The following TMC1 variants were observed in gnomAD, a reference collection of about 807,000 sequenced individuals.
TMC1 encodes the protein transmembrane channel-like protein 1.
TMC1 carries 84 observed loss-of-function variants against 105.8 expected under a neutral mutation model. That is an observed-to-expected ratio of 0.79 (90% CI 0.67 to 0.95). The LOEUF is 0.95. TMC1 is among the 40% of genes least tolerant of loss of function. TMC1 has a pLI of 0.00. For synonymous variants in TMC1, 315 were observed against 311.5 expected, an observed-to-expected ratio of 1.01 and a Z score of -0.12; for missense variants, 817 against 914.1, an observed-to-expected ratio of 0.89 and a Z score of 1.37.
At chr9:72,712,181 A>G (rs1158436368) in intron 8 of TMC1, among the ~76,000 whole-genome samples, 2 of 152,128 alleles carry the variant, frequency 1.3e-5, no homozygotes, top group Non-Finnish European at 2.9e-5. Flanking sequence ...GCCTTGTAGT[A>G]TAAGTTTGAA....
intron 8 of TMC1, among the ~76,000 whole-genome samples, chr9:72,731,737 T>C (rs1029796639): frequency 6.6e-6 from 1 of 152,182 alleles, no homozygotes; most frequent in African/African-American, 2.4e-5. Flanking sequence ...GTCCTCTTCA[T>C]TGTCTATCTG....
chr9:72,693,959 T>C (rs912656752), intron 6 of TMC1, among the ~76,000 whole-genome samples: 3 of 152,026 alleles, frequency 2.0e-5, no homozygotes, highest in Non-Finnish European at 4.4e-5. Flanking sequence ...TATACTACTT[T>C]TTTTTTTAAA....
intron 6 of TMC1, among the ~76,000 whole-genome samples, chr9:72,693,356 A>G (rs1245371084): frequency 6.6e-6 from 1 of 152,210 alleles, no homozygotes; most frequent in Admixed American, 6.5e-5. Context: ...ACGTCCAAAG[A>G]ATAGATACAT....
intron 1 of TMC1, among the ~76,000 whole-genome samples, chr9:72,563,774 C>G (rs1824098284): frequency 6.6e-6 from 1 of 151,800 alleles, no homozygotes; most frequent in African/African-American, 2.4e-5. Context: ...GTGGCGGGTG[C>G]CTGTAATCCC....
intron 18 of TMC1, among the ~76,000 whole-genome samples, chr9:72,812,355 G>A (rs1296436255): frequency 6.6e-6 from 1 of 152,190 alleles, no homozygotes; most frequent in African/African-American, 2.4e-5. Context: ...CCCATAAGGG[G>A]TTGAGAACAT....
intron 1 of TMC1, among the ~76,000 whole-genome samples, chr9:72,554,058 G>A (rs150305095): frequency 1.1e-3 from 175 of 152,232 alleles, no homozygotes; most frequent in Non-Finnish European, 1.9e-3. Flanking sequence ...CTTCATGATT[G>A]ATAGCATACA....
At chr9:72,757,511 C>A (rs1827692275) in intron 12 of TMC1, among the ~76,000 whole-genome samples, 1 of 152,128 alleles carries the variant, frequency 6.6e-6, no homozygotes, top group African/African-American at 2.4e-5. Context: ...CAAATTTTTT[C>A]AGATTTTGGC....
intron 13 of TMC1, among the ~76,000 whole-genome samples, 160 bp downstream of exon 13, chr9:72,772,715 A>G (rs751679945): frequency 5.9e-5 from 9 of 152,204 alleles, no homozygotes; most frequent in Non-Finnish European, 1.2e-4. Context: ...CTAATGTTAG[A>G]CTATTACATC....
At chr9:72,774,265 G>A (rs1275855190) in intron 13 of TMC1, among the ~76,000 whole-genome samples, 1 of 152,018 alleles carries the variant, frequency 6.6e-6, no homozygotes, top group Non-Finnish European at 1.5e-5. Context: ...ACATATATAA[G>A]TTTAAAACTT....
chr9:72,792,982 T>A (rs1473603368), intron 17 of TMC1, among the ~76,000 whole-genome samples: 2 of 152,076 alleles, frequency 1.3e-5, no homozygotes, highest in Non-Finnish European at 2.9e-5. Context: ...CCCAGGGAAG[T>A]GGTGAGTGAA....
chr9:72,574,503 A>G (rs1460023886), intron 1 of TMC1, among the ~76,000 whole-genome samples: 3 of 152,158 alleles, frequency 2.0e-5, no homozygotes, highest in Admixed American at 1.3e-4. Flanking sequence ...TTCAGTTTCA[A>G]TAAATGCTTC....
intron 2 of TMC1, among the ~76,000 whole-genome samples, chr9:72,585,789 T>C (rs1413146897): frequency 6.6e-6 from 1 of 152,094 alleles, no homozygotes; most frequent in African/African-American, 2.4e-5. Flanking sequence ...CATTCAGCCA[T>C]CAAGAATCAT....
chr9:72,707,001 C>T (rs1257518008), intron 8 of TMC1, among the ~76,000 whole-genome samples: 1 of 152,164 alleles, frequency 6.6e-6, no homozygotes, highest in South Asian at 2.1e-4. Context: ...TCTTGAACTC[C>T]TGACTTCGGG....
chr9:72,755,534 GATT>G (rs1405793162), intron 12 of TMC1, among the ~76,000 whole-genome samples: 12 of 152,154 alleles, frequency 7.9e-5, no homozygotes, highest in African/African-American at 2.9e-4. Flanking sequence ...CTTAGGTAGA[GATT>G]ATTACTATGG....
chr9:72,685,113 T>TTTTC, intron 5 of TMC1, among the ~76,000 whole-genome samples: 1 of 143,396 alleles, frequency 7.0e-6, no homozygotes, highest in African/African-American at 2.6e-5. Context: ...TTTTTTTTTT[T>TTTTC]TTTTTTTTTT....
intron 3 of TMC1, among the ~76,000 whole-genome samples, chr9:72,627,198 A>C (rs1013219435): frequency 5.9e-5 from 9 of 152,148 alleles, no homozygotes; most frequent in African/African-American, 1.9e-4. Context: ...AAAAGTTATA[A>C]ACTCTTAATG....
At chr9:72,634,842 A>G (rs1477718233) in intron 4 of TMC1, among the ~76,000 whole-genome samples, 1 of 152,246 alleles carries the variant, frequency 6.6e-6, no homozygotes, top group East Asian at 1.9e-4. Context: ...ACTCAGGAAG[A>G]GCCAGATGGA....
chr9:72,542,861 G>T (rs1359419238), intron 1 of TMC1, among the ~76,000 whole-genome samples: 1 of 151,688 alleles, frequency 6.6e-6, no homozygotes, highest in East Asian at 2.0e-4. Flanking sequence ...TGTACTTTTA[G>T]TAGAGATGGG....
intron 1 of TMC1, among the ~76,000 whole-genome samples, chr9:72,529,409 C>A (rs78548356): frequency 6.6e-6 from 1 of 152,100 alleles, no homozygotes; most frequent in Non-Finnish European, 1.5e-5. Flanking sequence ...TGTGAATAGT[C>A]ACTGCACACT....
Sources: allele counts gnomAD v4.1 joint callset (sites outside exome capture counted in the v4.1 genomes callset), GRCh38; gene constraint gnomAD v4.1.1; transcripts MANE v1.5; gene names NCBI Gene and HGNC (gene_info 2026-07-23, HGNC 2026-07-21).